Variants in NRXN3 observed in about 807,000 individuals in gnomAD.
NRXN3 encodes neurexin 3.
Under a neutral mutation model 137.6 loss-of-function variants are expected in NRXN3, and 32 were observed. That is an observed-to-expected ratio of 0.23 (90% CI 0.18 to 0.31). The LOEUF is 0.31. Ranked by LOEUF, NRXN3 falls within the 10% of genes least tolerant of loss-of-function variation. The pLI, the probability that NRXN3 is intolerant of heterozygous loss-of-function variation, is 1.00. For synonymous variants in NRXN3, 798 were observed against 784.5 expected (o/e 1.02, Z -0.29); for missense variants, 1,574 against 2,062.5 (o/e 0.76, Z 4.59).
chr14:78,408,236 C>T (rs2092615758), intron 4 of NRXN3, among the ~76,000 whole-genome samples: 1 of 152,176 alleles, frequency 6.6e-6, no homozygotes, highest in African/African-American at 2.4e-5. Flanking sequence ...ATTTTACCAT[C>T]CTCATTTTGC....
intron 15 of NRXN3, among the ~76,000 whole-genome samples, chr14:79,275,542 A>G (rs538933772): frequency 2.0e-5 from 3 of 152,132 alleles, no homozygotes; most frequent in African/African-American, 7.2e-5. Flanking sequence ...AAACAAGCAG[A>G]TGGACAGAGC....
chr14:79,365,267 T>C (rs989511937), intron 15 of NRXN3, among the ~76,000 whole-genome samples: 2 of 152,062 alleles, frequency 1.3e-5, no homozygotes, highest in Non-Finnish European at 2.9e-5. Context: ...GAGCAGAAAA[T>C]GGACAGTAGG....
At chr14:78,830,157 T>C (rs928602654) in intron 10 of NRXN3, among the ~76,000 whole-genome samples, 3 of 152,140 alleles carry the variant, frequency 2.0e-5, no homozygotes, top group African/African-American at 4.8e-5. Context: ...GTGTGTGTTA[T>C]CTCCATCCCA....
At chr14:79,415,123 T>C (rs1451248199) in intron 15 of NRXN3, among the ~76,000 whole-genome samples, 1 of 152,162 alleles carries the variant, frequency 6.6e-6, no homozygotes, top group Non-Finnish European at 1.5e-5. Context: ...ATTTTCTTTG[T>C]CCATTCATCT....
At chr14:78,745,400 A>G (rs2098602484) in intron 8 of NRXN3, 1 of 151,434 alleles carries the variant, frequency 6.6e-6, no homozygotes, top group African/African-American at 2.4e-5. Context: ...CGGCCAACCA[A>G]CTCCCTTTTT....
rs181521059 is a variant in NRXN3 at position 79,788,850 on chromosome 14, G to T, written c.4015-16262G>T. 3.0e-4 allele frequency among the ~76,000 whole-genome samples: 46 copies of T among 152,210 alleles called. No individual in the cohort carries two copies. In the East Asian group the frequency reaches 8.9e-3, roughly 29 times the overall value. On this transcript the variant is annotated intron_variant, in intron 19 of 20. Coordinates refer to ENST00000335750, the MANE Select transcript of NRXN3 (RefSeq NM_001330195.2). ...TGGGATCAGAAAAACATTACATAAA[G>T]AAGTGTTTGGGTTGGACCTTAAAAA...
At chr14:79,169,858 C>A (rs1428367499) in intron 15 of NRXN3, among the ~76,000 whole-genome samples, 3 of 152,068 alleles carry the variant, frequency 2.0e-5, no homozygotes, top group South Asian at 4.1e-4. Flanking sequence ...TTGCCTAGGG[C>A]ACACCAAACC....
At chr14:78,819,358 A>G (rs2098943907) in intron 10 of NRXN3, among the ~76,000 whole-genome samples, 1 of 152,230 alleles carries the variant, frequency 6.6e-6, no homozygotes, top group Admixed American at 6.5e-5. Flanking sequence ...ACAATAAAAA[A>G]CCAATATAAC....
chr14:79,501,745 G>GAA (rs5809937), intron 16 of NRXN3, among the ~76,000 whole-genome samples: 1 of 145,358 alleles, frequency 6.9e-6, no homozygotes, highest in Non-Finnish European at 1.5e-5. Context: ...TTCCCTCTAG[G>GAA]AAAAAAAAAA....
intron 16 of NRXN3, among the ~76,000 whole-genome samples, chr14:79,523,867 T>C (rs2097093924): frequency 6.6e-6 from 1 of 152,158 alleles, no homozygotes; most frequent in Non-Finnish European, 1.5e-5. Context: ...TTCTTTCATA[T>C]TTCTTTAAAG....
intron 16 of NRXN3, among the ~76,000 whole-genome samples, chr14:79,609,763 AC>A (rs1256169218): frequency 1.3e-5 from 2 of 152,216 alleles, no homozygotes; most frequent in Non-Finnish European, 2.9e-5. Flanking sequence ...GAATACCAAA[AC>A]GAATATGCCA....
rs187471704 is a variant in NRXN3, at chr14:78,546,902, A to C, written c.758-98218A>C. Among the ~76,000 whole-genome samples, 731 of 152,226 alleles carry C rather than the reference A, an allele frequency of 4.8e-3. 3 individuals carry two copies. Among genetic ancestry groups the C allele is most frequent in the Non-Finnish European group, 7.0e-3 (475 of 68,010 alleles). ...TGAGTAATTAGCCCAAAGGTCACAG[A>C]GGAGGTCAAGTGGTGAATGTGGGAT... On this transcript the variant is annotated intron_variant, in intron 4 of 20. Coordinates refer to ENST00000335750, the MANE Select transcript of NRXN3 (RefSeq NM_001330195.2).
intron 15 of NRXN3, among the ~76,000 whole-genome samples, chr14:79,389,756 A>T (rs1290355067): frequency 6.6e-6 from 1 of 152,082 alleles, no homozygotes; most frequent in African/African-American, 2.4e-5. Context: ...TTATCCTTGG[A>T]TCTCTGTAGC....
chr14:78,754,359 C>T (rs570109423), intron 8 of NRXN3, among the ~76,000 whole-genome samples: 11 of 152,288 alleles, frequency 7.2e-5, no homozygotes, highest in South Asian at 2.1e-4. Flanking sequence ...CACCCCACAC[C>T]GTTCTCCTCA....
chr14:78,196,127 A>T (rs1595809376), intron 1 of NRXN3, among the ~76,000 whole-genome samples: 1 of 152,104 alleles, frequency 6.6e-6, no homozygotes, highest in Non-Finnish European at 1.5e-5. Flanking sequence ...TTCCCACGTC[A>T]CCCAGCCAGA....
chr14:79,333,982 G>A (rs1398118104), intron 15 of NRXN3, among the ~76,000 whole-genome samples: 1 of 152,186 alleles, frequency 6.6e-6, no homozygotes, highest in African/African-American at 2.4e-5. Context: ...TGCACTTCCA[G>A]TGTAGTTCTA....
chr14:79,015,223 TG>T (rs113198325), intron 15 of NRXN3, among the ~76,000 whole-genome samples: 25,705 of 151,970 alleles, frequency 0.17, 5,837 homozygotes, highest in African/African-American at 0.52. Flanking sequence ...CAGTGTTTGG[TG>T]GGGGGTTTGT....
intron 4 of NRXN3, among the ~76,000 whole-genome samples, chr14:78,335,648 T>C (rs892009455): frequency 2.0e-5 from 3 of 152,228 alleles, no homozygotes; most frequent in African/African-American, 7.2e-5. Flanking sequence ...GGAAGGCAGC[T>C]GTGGCCTGAT....
intron 15 of NRXN3, among the ~76,000 whole-genome samples, chr14:79,145,236 T>C (rs1216504340): frequency 1.3e-5 from 2 of 152,186 alleles, no homozygotes. Flanking sequence ...TTAGGTAAAG[T>C]ATATAACTGA....
Sources: allele counts gnomAD v4.1 joint callset (sites outside exome capture counted in the v4.1 genomes callset), GRCh38; gene constraint gnomAD v4.1.1; transcripts MANE v1.5; gene names NCBI Gene and HGNC (gene_info 2026-07-23, HGNC 2026-07-21).